The following DOCK7 variants were observed in gnomAD, a reference collection of about 807,000 sequenced individuals.
DOCK7 encodes the protein dedicator of cytokinesis 7, also known as dedicator of cytokinesis protein 7.
Under a neutral mutation model 271.0 loss-of-function variants are expected in DOCK7, and 138 were observed. That is an observed-to-expected ratio of 0.51 (90% CI 0.44 to 0.59). The LOEUF (loss-of-function observed/expected upper bound fraction) is 0.59, where lower values mean the gene tolerates loss of function less well. Ranked by LOEUF, DOCK7 falls within the 20% of genes least tolerant of loss-of-function variation. The pLI is 0.00. For synonymous variants in DOCK7, 823 were observed against 876.1 expected, an observed-to-expected ratio of 0.94 and a Z score of 1.07; for missense variants, 2,066 against 2,592.4, an observed-to-expected ratio of 0.80 and a Z score of 4.41.
intron 7 of DOCK7, among the ~76,000 whole-genome samples, chr1:62,643,244 A>C (rs1656254303): frequency 1.3e-5 from 2 of 152,244 alleles, no homozygotes; most frequent in African/African-American, 4.8e-5. Flanking sequence ...AAATTGGCCC[A>C]GACTACAAGA....
Position 62,625,253 on chromosome 1 carries a change from C to CAAT in DOCK7, c.1425+3_1425+5dup. Reference sequence around the variant, plus strand: ...TCCCCAAAATTCCTACATGACAGAACAATACCTGCTTAAAAAAATTTGTCA... The same window carrying CAAT: ...TCCCCAAAATTCCTACATGACAGAACAATAATACCTGCTTAAAAAAATTTGTCA... On this transcript the variant is annotated splice_donor_region_variant and intron_variant, in intron 12 of 49. Coordinates refer to ENST00000635253, the MANE Select transcript of DOCK7 (RefSeq NM_001367561.1). The CAAT allele has an allele frequency of 6.2e-7, 1 of 1,613,406 alleles. No homozygotes were observed.
intron 7 of DOCK7, chr1:62,638,506 C>A (rs1655559313): frequency 7.0e-6 from 1 of 143,816 alleles, no homozygotes; most frequent in Non-Finnish European, 1.5e-5. Flanking sequence ...GGTCAAGTTT[C>A]CTATTTTCAT....
At chr1:62,621,190 TAGG>T (rs1448484955) in intron 12 of DOCK7, among the ~76,000 whole-genome samples, 1 of 150,744 alleles carries the variant, frequency 6.6e-6, no homozygotes, top group Non-Finnish European at 1.5e-5. Context: ...GGAGGAGGAA[TAGG>T]AGGAGGAAGA....
chr1:62,602,342 C>A (rs757037911), intron 14 of DOCK7: 1 of 1,610,688 alleles, frequency 6.2e-7, no homozygotes, highest in Admixed American at 1.7e-5. Flanking sequence ...TTCAATGAAA[C>A]GTGGGAGAAC....
intron 31 of DOCK7, among the ~76,000 whole-genome samples, chr1:62,524,836 T>C (rs908779882): frequency 2.0e-5 from 3 of 149,608 alleles, no homozygotes; most frequent in African/African-American, 7.4e-5. Context: ...AGGCAGAGGT[T>C]GCAGTGAGCC....
intron 12 of DOCK7, among the ~76,000 whole-genome samples, chr1:62,622,158 C>T (rs115632063): frequency 0.017 from 2,631 of 152,272 alleles, 75 homozygotes; most frequent in African/African-American, 0.06. Flanking sequence ...TAGAAGATGA[C>T]AGTAGAATTT....
chr1:62,465,173 G>C (rs1189695634), intron 48 of DOCK7, among the ~76,000 whole-genome samples: 1 of 152,134 alleles, frequency 6.6e-6, no homozygotes, highest in East Asian at 1.9e-4. Flanking sequence ...AAATGTATCT[G>C]CTTAAAATGC....
chr1:62,552,215 T>TG (rs1448410862), intron 22 of DOCK7, among the ~76,000 whole-genome samples: 9 of 150,062 alleles, frequency 6.0e-5, no homozygotes, highest in Admixed American at 6.0e-4. Context: ...TAAATGTGTG[T>TG]GGGGGGTGGG....
intron 21 of DOCK7, 128 bp from the exon 22 acceptor site, chr1:62,553,029 AT>A: frequency 1.9e-6 from 1 of 521,694 alleles, no homozygotes; most frequent in Non-Finnish European, 2.7e-6. Flanking sequence ...AATAAAAAAT[AT>A]ACTTTTTTTT....
chr1:62,472,206 C>A (rs1645850822), intron 48 of DOCK7, among the ~76,000 whole-genome samples: 2 of 152,004 alleles, frequency 1.3e-5, no homozygotes, highest in Admixed American at 1.3e-4. Flanking sequence ...TGGGTTCAAG[C>A]AATTCTCTCT....
At chr1:62,660,877 T>C (rs1277121504) in intron 2 of DOCK7, among the ~76,000 whole-genome samples, 1 of 152,106 alleles carries the variant, frequency 6.6e-6, no homozygotes, top group Non-Finnish European at 1.5e-5. Context: ...CCAAAGAGGA[T>C]CACTTGAACC....
intron 14 of DOCK7, chr1:62,602,024 T>C: frequency 3.2e-6 from 2 of 616,034 alleles, no homozygotes; most frequent in Non-Finnish European, 2.8e-6. Flanking sequence ...TACTTTTACC[T>C]TGTTTATGTA....
rs147862224 is a variant in DOCK7 at position 62,578,477 on chromosome 1, T to A, written c.2010+351A>T. On this transcript the variant is annotated intron_variant, in intron 17 of 49. Transcript: ENST00000635253. Reference sequence around the variant, plus strand: ...GCTCACGCCTGTAATCCTAGCACTTTGGGAGGCCGAGGCAGGCAGATCACT... The same window carrying A: ...GCTCACGCCTGTAATCCTAGCACTTAGGGAGGCCGAGGCAGGCAGATCACT... Among the ~76,000 whole-genome samples, 584 of 152,224 alleles carry A rather than the reference T, an allele frequency of 3.8e-3. 6 individuals are homozygous for A. Among genetic ancestry groups the A allele is most frequent in the African/African-American group, 0.013 (529 of 41,548 alleles).
chr1:62,457,802 C>G (rs935792058), intron 48 of DOCK7, 97 bp from the exon 49 acceptor site: 2 of 1,116,740 alleles, frequency 1.8e-6, no homozygotes, highest in Non-Finnish European at 2.6e-6. Flanking sequence ...TATATGTGGG[C>G]TTAATGACAC....
intron 14 of DOCK7, among the ~76,000 whole-genome samples, chr1:62,615,867 A>C (rs1652374008): frequency 6.6e-6 from 1 of 151,758 alleles, no homozygotes; most frequent in Non-Finnish European, 1.5e-5. Context: ...CATCATTCTC[A>C]AATTAATATG....
At chr1:62,686,617 A>G (rs374263881) in intron 1 of DOCK7, among the ~76,000 whole-genome samples, 1 of 152,210 alleles carries the variant, frequency 6.6e-6, no homozygotes, top group Non-Finnish European at 1.5e-5. Context: ...GACAGGTAGT[A>G]TAGGCCCTGT....
chr1:62,584,631 T>C (rs1647286029), intron 15 of DOCK7: 1 of 1,311,436 alleles, frequency 7.6e-7, no homozygotes, highest in Middle Eastern at 2.9e-4. Context: ...CCATTTGACA[T>C]GTACTTTTAA....
At chr1:62,490,324 G>A (rs189943458) in intron 41 of DOCK7, among the ~76,000 whole-genome samples, 127 of 151,972 alleles carry the variant, frequency 8.4e-4, no homozygotes, top group Non-Finnish European at 1.6e-3. Flanking sequence ...CTCCCACCTT[G>A]CACAGTAATC....
chr1:62,619,970 T>C lies in DOCK7; in HGVS notation c.1449A>G (p.Glu483=). The C allele has an allele frequency of 6.2e-7, 1 of 1,613,712 alleles. No homozygotes were observed. The highest frequency in any genetic ancestry group is 8.5e-7 in the Non-Finnish European group (1 of 1,179,734). ...FKQEGDRLSD[E]DLYKFLADMR... is the part of the protein sequence containing the mutation. ...TATCAGCAAGGAATTTGTAGAGATC[T>C]TCATCACTTAAGCGGTCTCCTTCCT... is the stretch of plus-strand genomic sequence containing the variant. Residue 483 remains glutamate, a synonymous_variant, in exon 13 of 50, where the codon GAA becomes GAG. Coordinates refer to ENST00000635253, the MANE Select transcript of DOCK7 (RefSeq NM_001367561.1).
Sources: allele counts gnomAD v4.1 joint callset (sites outside exome capture counted in the v4.1 genomes callset), GRCh38; gene constraint gnomAD v4.1.1; transcripts MANE v1.5; gene names NCBI Gene and HGNC (gene_info 2026-07-23, HGNC 2026-07-21).